SYNE2: variants seen among roughly 807,000 people sequenced by gnomAD.
The protein encoded by SYNE2 is nesprin-2.
A neutral mutation model predicts 856.3 loss-of-function variants in SYNE2; 431 were observed. The ratio of observed to expected loss-of-function variants is 0.50; its 90% CI spans 0.47 to 0.55. The LOEUF (loss-of-function observed/expected upper bound fraction) is 0.55. SYNE2 is among the 20% of genes least tolerant of loss of function. The probability of loss-of-function intolerance (pLI) is 0.00; values close to 1 mark genes in which losing one functional copy is unlikely to be tolerated. For missense variants in SYNE2, 8,129 were observed against 8,023.2 expected, an observed-to-expected ratio of 1.01 and a Z score of -0.50; for synonymous variants, 2,923 against 2,872.3, an observed-to-expected ratio of 1.02 and a Z score of -0.56.
rs2096595970 is a variant in SYNE2 at position 63,982,691 on chromosome 14, A to G, written c.1898A>G (p.Asn633Ser). 1.9e-6 allele frequency: 3 copies of G among 1,614,110 alleles called. No individual in the cohort carries two copies. Among genetic ancestry groups the G allele is most frequent in the East Asian group, 2.2e-5 (1 of 44,872 alleles). ...CACGCTACTTTAAATGAAGCAGGAA[A>G]TTTCTTAGTCGAAGTCAGCAATGAT... Reference protein sequence around the residue: ...LEHATLNEAGNFLVEVSNDVV... With the variant: ...LEHATLNEAGSFLVEVSNDVV... The change falls in exon 17 of 116, where the codon AAT becomes AGT. Residue 633 changes from asparagine (N) to serine (S), a missense_variant. This residue lies in a region of SYNE2 where 2,422 missense variants were observed against 2,357.4 expected (regional missense o/e 1.03). Transcript: ENST00000555002.
chr14:64,081,364 C>T, intron 56 of SYNE2, 79 bp from the exon 57 acceptor site: 1 of 1,571,728 alleles, frequency 6.4e-7, no homozygotes, highest in Non-Finnish European at 8.8e-7. Flanking sequence ...TGACTAACAG[C>T]TATTGACTCT....
chr14:64,048,373 C>T, intron 46 of SYNE2: 1 of 372,200 alleles, frequency 2.7e-6, no homozygotes, highest in South Asian at 5.3e-5. Flanking sequence ...AGTCTTCTTT[C>T]TATTTCACAA....
chr14:63,939,347 C>CTTT (rs1056199146), intron 2 of SYNE2, among the ~76,000 whole-genome samples: 1 of 115,172 alleles, frequency 8.7e-6, no homozygotes, highest in Non-Finnish European at 1.8e-5. Context: ...TTTTTTTTTT[C>CTTT]TTTTTTTTTT....
chr14:64,044,085 G>T (rs2153566282), intron 45 of SYNE2, among the ~76,000 whole-genome samples: 1 of 152,294 alleles, frequency 6.6e-6, no homozygotes, highest in African/African-American at 2.4e-5. Context: ...TATTTGCCTG[G>T]AAAAGCTGCA....
intron 86 of SYNE2, 130 bp downstream of exon 86, chr14:64,158,925 C>A: frequency 9.8e-7 from 1 of 1,016,452 alleles, no homozygotes; most frequent in Non-Finnish European, 1.5e-6. Flanking sequence ...ATAGCAGTTT[C>A]AAAAGAATAA....
intron 57 of SYNE2, among the ~76,000 whole-genome samples, chr14:64,082,111 A>G (rs1035798135): frequency 3.3e-5 from 5 of 151,906 alleles, no homozygotes; most frequent in Admixed American, 3.3e-4. Flanking sequence ...TGTGCATAGG[A>G]TAGTGCTGAT....
chr14:63,815,330 G>T (rs1216111915), intron 1 of SYNE2, among the ~76,000 whole-genome samples: 1 of 150,380 alleles, frequency 6.6e-6, no homozygotes, highest in Non-Finnish European at 1.5e-5. Flanking sequence ...AAGCTGAGGA[G>T]CAAGGAAGCC....
Position 64,101,973 on chromosome 14 carries a change from T to G in SYNE2, c.12423T>G (p.Ser4141=). ...EKAEPSPQSW[S]SLWKHDKDME... ...CAGAGCCATCGCCTCAGTCTTGGTC[T>G]TCACTTTGGAAGCATGACAAGGACA... Residue 4141 remains serine, a synonymous_variant, in exon 64 of 116, where the codon TCT becomes TCG. Coordinates refer to ENST00000555002, the MANE Select transcript of SYNE2 (RefSeq NM_182914.3). 1 of 1,614,118 alleles carries G rather than the reference T, an allele frequency of 6.2e-7. No homozygotes were observed. The highest frequency in any genetic ancestry group is 8.5e-7 in the Non-Finnish European group (1 of 1,179,990).
chr14:64,056,361 T>C (rs1018869060), intron 49 of SYNE2, 95 bp downstream of exon 49: 5 of 1,240,740 alleles, frequency 4.0e-6, no homozygotes, highest in African/African-American at 1.5e-5. Context: ...ACATAAAATA[T>C]AGGTTTTTTT....
intron 1 of SYNE2, among the ~76,000 whole-genome samples, chr14:63,787,379 ACT>A (rs1306928963): frequency 6.6e-6 from 1 of 151,764 alleles, no homozygotes; most frequent in Non-Finnish European, 1.5e-5. Flanking sequence ...ACCCCAATCA[ACT>A]CTCTACCTCC....
intron 76 of SYNE2, 29 bp downstream of exon 76, chr14:64,130,277 C>A: frequency 6.4e-7 from 1 of 1,556,930 alleles, no homozygotes; most frequent in Non-Finnish European, 8.8e-7. Context: ...TCGGGTGACC[C>A]CTTCATAGAC....
intron 1 of SYNE2, among the ~76,000 whole-genome samples, chr14:63,819,203 C>T (rs1566587932): frequency 6.6e-6 from 1 of 151,986 alleles, no homozygotes; most frequent in Admixed American, 6.6e-5. Context: ...ACAAGATTAA[C>T]ATACAAAAAT....
intron 47 of SYNE2, among the ~76,000 whole-genome samples, chr14:64,051,013 T>A (rs1451002555): frequency 6.7e-6 from 1 of 149,004 alleles, no homozygotes; most frequent in East Asian, 1.9e-4. Flanking sequence ...AGAGTGAGAC[T>A]CTGCCTCAAA....
At chr14:64,125,030 T>A (rs1250122373) in intron 70 of SYNE2, 49 bp from the exon 71 acceptor site, 2 of 1,610,322 alleles carry the variant, frequency 1.2e-6, no homozygotes, top group South Asian at 2.2e-5. Flanking sequence ...TTAATTAACA[T>A]CAGCAGGGTC....
chr14:64,214,799 G>A (rs1371027961), intron 106 of SYNE2, among the ~76,000 whole-genome samples: 1 of 152,148 alleles, frequency 6.6e-6, no homozygotes, highest in East Asian at 1.9e-4. Context: ...AGGTGCAGTG[G>A]TGCGACCACG....
chr14:64,021,126 TTA>T (rs1308295757), intron 35 of SYNE2, among the ~76,000 whole-genome samples, 187 bp from the exon 36 acceptor site: 1 of 152,222 alleles, frequency 6.6e-6, no homozygotes, highest in Admixed American at 6.5e-5. Context: ...TCAGTTTTTT[TTA>T]TGTTATGCTT....
intron 2 of SYNE2, 150 bp downstream of exon 2, chr14:63,909,377 G>A (rs2095445731): frequency 1.8e-6 from 1 of 544,192 alleles, no homozygotes; most frequent in Non-Finnish European, 3.3e-6. Context: ...ATATTTAAAT[G>A]TCTTTATTTC....
chr14:63,978,843 G>A lies in SYNE2; in HGVS notation c.1407-9G>A. 2 of 1,609,884 alleles carry A rather than the reference G, an allele frequency of 1.2e-6. No homozygotes were observed. Among genetic ancestry groups the A allele is most frequent in the Non-Finnish European group, 1.7e-6 (2 of 1,177,128 alleles). On this transcript the variant is annotated splice_polypyrimidine_tract_variant and intron_variant, in intron 13 of 115. Coordinates refer to ENST00000555002, the MANE Select transcript of SYNE2 (RefSeq NM_182914.3). ...TAAGTTAAATTCCAAAACCTGCACTGTTTTCCAGAATCAACAACATTTTGG... is the reference window on the plus strand; with the variant it reads ...TAAGTTAAATTCCAAAACCTGCACTATTTTCCAGAATCAACAACATTTTGG...
chr14:64,043,583 G>T (rs538999359), intron 45 of SYNE2, among the ~76,000 whole-genome samples: 1 of 152,130 alleles, frequency 6.6e-6, no homozygotes, highest in African/African-American at 2.4e-5. Context: ...TGTCTCAGCC[G>T]CTCCAGCCTT....
Sources: gnomAD v4.1 joint callset for allele counts (sites outside exome capture counted in the v4.1 genomes callset) on GRCh38, gnomAD v4.1.1 for gene constraint, gnomAD v4.1.1 regional missense constraint, MANE v1.5 for transcripts, NCBI Gene and HGNC (gene_info 2026-07-23, HGNC 2026-07-21) for gene names.